The following RNLS variants were observed in gnomAD, a reference collection of about 807,000 sequenced individuals.
RNLS encodes the protein renalase.
In RNLS, 39 loss-of-function variants were observed where a neutral mutation model predicts 39.8. That is an observed-to-expected ratio of 0.98 (90% CI 0.76 to 1.28). The LOEUF (loss-of-function observed/expected upper bound fraction) is 1.28. Ranked by LOEUF, RNLS falls within the 50% of genes most tolerant of loss-of-function variation. RNLS has a pLI of 0.00. For synonymous variants in RNLS, 147 were observed against 150.7 expected, an observed-to-expected ratio of 0.98 and a Z score of 0.18; for missense variants, 410 against 413.3, an observed-to-expected ratio of 0.99 and a Z score of 0.07.
At chr10:88,559,600 T>G (rs1706671916) in intron 4 of RNLS, among the ~76,000 whole-genome samples, 1 of 152,180 alleles carries the variant, frequency 6.6e-6, no homozygotes, top group Non-Finnish European at 1.5e-5. Context: ...ACCATTCTTC[T>G]CTCTAAAGCA....
rs551483735 is a variant in RNLS at position 88,352,927 on chromosome 10, A to G, written c.700+9625T>C. ...TTCAACTTCTTCCTGGTTTAGTCTTAGGAAGGTGTATGTGTCCAGGAATTT... is the reference window on the plus strand; with the variant it reads ...TTCAACTTCTTCCTGGTTTAGTCTTGGGAAGGTGTATGTGTCCAGGAATTT... On this transcript the variant is annotated intron_variant, in intron 5 of 6. Transcript: ENST00000331772. 5.3e-5 allele frequency among the ~76,000 whole-genome samples: 8 copies of G among 152,216 alleles called. No homozygotes were observed. The South Asian group carries it at 1.2e-3, about 24-fold the overall frequency.
At chr10:88,425,066 C>T (rs1000937532) in intron 4 of RNLS, among the ~76,000 whole-genome samples, 2 of 152,106 alleles carry the variant, frequency 1.3e-5, no homozygotes, top group African/African-American at 4.8e-5. Context: ...TTGCCACACA[C>T]CGTAAAACTG....
At chr10:88,182,277 G>A in the RNLS span, among the ~76,000 whole-genome samples, 2 of 152,010 alleles carry the variant, frequency 1.3e-5, no homozygotes, top group Admixed American at 6.6e-5. Context: ...CCAGGTGACC[G>A]GATGTACCTA....
At chr10:88,222,936 T>G in the RNLS span, among the ~76,000 whole-genome samples, 1 of 152,260 alleles carries the variant, frequency 6.6e-6, no homozygotes, top group Non-Finnish European at 1.5e-5. Context: ...CTTCCACTTT[T>G]GGAAGCATAG....
At chr10:88,244,951 C>T in the RNLS span, among the ~76,000 whole-genome samples, 2 of 152,066 alleles carry the variant, frequency 1.3e-5, no homozygotes, top group African/African-American at 4.8e-5. Flanking sequence ...CTAAAAGAGA[C>T]AATTTCAAGT....
intron 4 of RNLS, among the ~76,000 whole-genome samples, chr10:88,530,114 A>G (rs1847328906): frequency 6.6e-6 from 1 of 152,214 alleles, no homozygotes; most frequent in Admixed American, 6.5e-5. Context: ...CCTGACCTGG[A>G]TCAAATCCTG....
At chr10:88,421,897 C>T (rs191593665) in intron 4 of RNLS, among the ~76,000 whole-genome samples, 3 of 152,220 alleles carry the variant, frequency 2.0e-5, no homozygotes, top group African/African-American at 7.2e-5. Context: ...AGAAGCTCCC[C>T]GCAAAAGCCC....
intron 4 of RNLS, among the ~76,000 whole-genome samples, chr10:88,404,264 C>CT (rs1388624693): frequency 6.6e-6 from 1 of 152,018 alleles, no homozygotes. Flanking sequence ...GTGCATGCAA[C>CT]TGAGAATCAA....
the RNLS span, among the ~76,000 whole-genome samples, chr10:88,201,911 G>T: frequency 1.3e-5 from 2 of 151,998 alleles, no homozygotes; most frequent in African/African-American, 4.8e-5. Context: ...GCCATTTTTT[G>T]ATCTTCCAAT....
the RNLS span, among the ~76,000 whole-genome samples, chr10:88,227,927 G>A: frequency 2.0e-5 from 3 of 152,228 alleles, no homozygotes; most frequent in Admixed American, 6.5e-5. Context: ...AGTCTAGTAC[G>A]TGGACTAAGG....
chr10:88,513,692 C>G (rs1384712682), intron 4 of RNLS, among the ~76,000 whole-genome samples: 1 of 151,988 alleles, frequency 6.6e-6, no homozygotes, highest in African/African-American at 2.4e-5. Context: ...GCATAAACAC[C>G]TTTTCACACA....
intron 6 of RNLS, among the ~76,000 whole-genome samples, chr10:88,304,529 A>G (rs565071460): frequency 6.6e-6 from 1 of 152,366 alleles, no homozygotes; most frequent in African/African-American, 2.4e-5. Context: ...ACACATTACA[A>G]GAATTTCATA....
At chr10:88,424,567 C>T (rs1188957748) in intron 4 of RNLS, among the ~76,000 whole-genome samples, 8 of 152,024 alleles carry the variant, frequency 5.3e-5, no homozygotes, top group African/African-American at 1.9e-4. Context: ...TGAGGCAGCC[C>T]ACACCAATCA....
Position 88,520,742 on chromosome 10 carries a change from A to G in RNLS, c.526+52161T>C, listed in dbSNP as rs114571586. On this transcript the variant is annotated intron_variant, in intron 4 of 6. Transcript: ENST00000331772. ...AAATCCAGAATAGAATCATGTCCCC[A>G]GAATACTGGCCTATTAAAACAAACT... is the stretch of plus-strand genomic sequence containing the variant. Among the ~76,000 whole-genome samples, 1,016 of 152,170 alleles carry G rather than the reference A, an allele frequency of 6.7e-3. 10 individuals carry two copies. Among genetic ancestry groups the G allele is most frequent in the African/African-American group, 0.022 (934 of 41,554 alleles).
chr10:88,325,062 G>T (rs1846493918), intron 5 of RNLS, among the ~76,000 whole-genome samples: 1 of 152,164 alleles, frequency 6.6e-6, no homozygotes, highest in Admixed American at 6.5e-5. Context: ...GGACGCTTGA[G>T]TTGCTTCTAC....
At chr10:88,456,336 A>G (rs1452181128) in intron 4 of RNLS, among the ~76,000 whole-genome samples, 3 of 151,000 alleles carry the variant, frequency 2.0e-5, no homozygotes, top group African/African-American at 7.3e-5. Flanking sequence ...TTTTATTTCT[A>G]TCATATATTT....
chr10:88,396,017 C>T (rs1238547219), intron 4 of RNLS, among the ~76,000 whole-genome samples: 1 of 152,056 alleles, frequency 6.6e-6, no homozygotes, highest in Admixed American at 6.6e-5. Flanking sequence ...AAGGAGAAAT[C>T]AAGACACTTT....
chr10:88,497,965 C>A (rs1845268838), intron 4 of RNLS, among the ~76,000 whole-genome samples: 2 of 151,248 alleles, frequency 1.3e-5, no homozygotes. Context: ...CCCAAAAAGT[C>A]CTAGTCAAGA....
At chr10:88,572,075 T>C (rs963805790) in intron 4 of RNLS, among the ~76,000 whole-genome samples, 12 of 152,076 alleles carry the variant, frequency 7.9e-5, no homozygotes, top group African/African-American at 2.9e-4. Context: ...AAATCTTAGG[T>C]ATCTACCTAA....
Sources: gnomAD v4.1 joint callset for allele counts (sites outside exome capture counted in the v4.1 genomes callset) on GRCh38, gnomAD v4.1.1 for gene constraint, MANE v1.5 for transcripts, NCBI Gene and HGNC (gene_info 2026-07-23, HGNC 2026-07-21) for gene names.